The following DPY19L3 variants were observed in gnomAD, a reference collection of about 807,000 sequenced individuals.
The protein encoded by DPY19L3 is dpy-19 like C-mannosyltransferase 3, also known as protein C-mannosyl-transferase DPY19L3.
A neutral mutation model predicts 92.3 loss-of-function variants in DPY19L3; 51 were observed. The observed-to-expected ratio is 0.55, with a 90% CI of 0.44 to 0.70. The LOEUF is 0.70. Ranked by LOEUF, DPY19L3 falls within the 30% of genes least tolerant of loss-of-function variation. The probability of loss-of-function intolerance (pLI) is 0.00; values close to 1 mark genes in which losing one functional copy is unlikely to be tolerated. For synonymous variants in DPY19L3, 309 were observed against 315.2 expected (o/e 0.98, Z 0.21); for missense variants, 706 against 855.9 (o/e 0.82, Z 2.18).
In DPY19L3 at chr19:32,477,666, C is replaced by T; in HGVS notation, c.1830+12C>T. Reference sequence around the variant, plus strand: ...AGCGGACCAGAGCGGTGAGGCTCCCCAGTGCCTCCCCTCGCTTCTTGTGGG... The same window carrying T: ...AGCGGACCAGAGCGGTGAGGCTCCCTAGTGCCTCCCCTCGCTTCTTGTGGG... On this transcript the variant is annotated intron_variant, in intron 17 of 18. Transcript: ENST00000392250. The T allele has an allele frequency of 6.2e-7, 1 of 1,613,732 alleles. No individual in the cohort carries two copies. Among genetic ancestry groups the T allele is most frequent in the Middle Eastern group, 1.7e-4 (1 of 5,858 alleles).
At chr19:32,420,208 C>T (rs946895744) in intron 3 of DPY19L3, among the ~76,000 whole-genome samples, 5 of 152,160 alleles carry the variant, frequency 3.3e-5, no homozygotes, top group East Asian at 1.9e-4. Flanking sequence ...GTGCCTGGCA[C>T]GTCATCAGTG....
chr19:32,419,596 G>A (rs1968496347), intron 3 of DPY19L3, among the ~76,000 whole-genome samples: 1 of 151,810 alleles, frequency 6.6e-6, no homozygotes, highest in South Asian at 2.1e-4. Context: ...AGTGGTGCCA[G>A]CTAATTTTTT....
chr19:32,439,989 A>G, intron 8 of DPY19L3, 79 bp downstream of exon 8: 2 of 1,547,858 alleles, frequency 1.3e-6, no homozygotes, highest in Non-Finnish European at 1.7e-6. Flanking sequence ...GAAAATATGC[A>G]AGTACTTATG....
intron 5 of DPY19L3, 57 bp from the exon 6 acceptor site, chr19:32,437,137 G>C: frequency 6.2e-7 from 1 of 1,600,424 alleles, no homozygotes; most frequent in Non-Finnish European, 8.5e-7. Flanking sequence ...GTTTTAAATG[G>C]CACTGAGGAG....
At chr19:32,432,099 C>T (rs965812052) in intron 3 of DPY19L3, among the ~76,000 whole-genome samples, 4 of 152,084 alleles carry the variant, frequency 2.6e-5, no homozygotes, top group African/African-American at 9.7e-5. Context: ...CATTGTTGCC[C>T]ATTGCTTCTG....
intron 2 of DPY19L3, among the ~76,000 whole-genome samples, chr19:32,408,840 T>A (rs929377486): frequency 6.6e-6 from 1 of 152,046 alleles, no homozygotes; most frequent in African/African-American, 2.4e-5. Context: ...AATCAGAACT[T>A]GGTCAGTTGT....
In DPY19L3 at chr19:32,431,282, G is replaced by A. The variant is rs148817284; in HGVS notation, c.238-1434G>A. The stretch of plus-strand genomic sequence containing the variant: ...AATCCCAGCTACTAGGGAGGCTGAG[G>A]CAGGACAATCGCTTGAACCTGGAAG... On this transcript the variant is annotated intron_variant, in intron 3 of 18. Transcript: ENST00000392250. Among the ~76,000 whole-genome samples the A allele has an allele frequency of 4.2e-4, 64 of 152,064 alleles. 2 individuals carry two copies. Among genetic ancestry groups the A allele is most frequent in the African/African-American group, 1.5e-3 (62 of 41,480 alleles).
At chr19:32,456,738 G>A (rs1450859768) in intron 10 of DPY19L3, among the ~76,000 whole-genome samples, 1 of 152,068 alleles carries the variant, frequency 6.6e-6, no homozygotes, top group East Asian at 1.9e-4. Context: ...TCAGCCAAAA[G>A]CTTTTTTTGA....
chr19:32,476,962 A>G (rs971068838), intron 16 of DPY19L3, among the ~76,000 whole-genome samples: 1 of 151,920 alleles, frequency 6.6e-6, no homozygotes, highest in African/African-American at 2.4e-5. Context: ...TTAAGCAAAA[A>G]CCCTTGGAAC....
chr19:32,465,364 ATTG>A (rs1970169646), intron 15 of DPY19L3, among the ~76,000 whole-genome samples: 1 of 152,220 alleles, frequency 6.6e-6, no homozygotes, highest in Admixed American at 6.5e-5. Context: ...GACAATGATC[ATTG>A]GTCAGGTTGA....
chr19:32,423,509 T>G (rs1968651121), intron 3 of DPY19L3, among the ~76,000 whole-genome samples: 2 of 150,306 alleles, frequency 1.3e-5, no homozygotes, highest in Admixed American at 1.3e-4. Context: ...AGGCAGTCCA[T>G]CCACTTCTGC....
chr19:32,437,633 T>C lies in DPY19L3; in HGVS notation c.596+294T>C, dbSNP rs186356007. Reference sequence around the variant, plus strand: ...GGTGATCAAGATTTCTCCAGCCGCATATCTCATCTCTTAAAGGGTTTTTTT... The same window carrying C: ...GGTGATCAAGATTTCTCCAGCCGCACATCTCATCTCTTAAAGGGTTTTTTT... On this transcript the variant is annotated intron_variant, in intron 6 of 18. Transcript: ENST00000392250. 9.2e-5 allele frequency among the ~76,000 whole-genome samples: 14 copies of C among 152,270 alleles called. No individual in the cohort carries two copies. In the East Asian group the frequency reaches 2.5e-3, roughly 27 times the overall value.
intron 8 of DPY19L3, among the ~76,000 whole-genome samples, chr19:32,442,443 AG>A (rs1230176556): frequency 6.6e-6 from 1 of 152,224 alleles, no homozygotes; most frequent in Non-Finnish European, 1.5e-5. Flanking sequence ...TCCAGACAAG[AG>A]GGAGTAGAGA....
chr19:32,480,299 T>A, intron 17 of DPY19L3, 100 bp from the exon 18 acceptor site: 1 of 1,336,962 alleles, frequency 7.5e-7, no homozygotes, highest in Non-Finnish European at 1.0e-6. Context: ...ACCTTGGGTG[T>A]TAGGTCTTAG....
In DPY19L3 at chr19:32,423,402, A is replaced by ATTTTTTTTTTTTTTTTTTTTTTTTTTTT. The variant is rs71176123; in HGVS notation, c.238-9296_238-9295insTTTTTTTTTTTTTTTTTTTTTTTTTTTT. Among the ~76,000 whole-genome samples the ATTTTTTTTTTTTTTTTTTTTTTTTTTTT allele has an allele frequency of 9.7e-5, 8 of 82,228 alleles. 1 individual carries two copies. The highest frequency in any genetic ancestry group is 1.7e-4 in the Non-Finnish European group (7 of 41,746). The allele number at this position is 82,228 out of a possible 152,430, so 53.9% of individuals were successfully genotyped here. Reference sequence around the variant, plus strand: ...AGGCATGCACCACCATGCCCAGCTAATTTTTTTTTTTTTTTTTTGGTATTT... The same window carrying ATTTTTTTTTTTTTTTTTTTTTTTTTTTT: ...AGGCATGCACCACCATGCCCAGCTAATTTTTTTTTTTTTTTTTTTTTTTTTTTTTTTTTTTTTTTTTTTTTTGGTATTT... On this transcript the variant is annotated intron_variant, in intron 3 of 18. Coordinates refer to ENST00000392250, the MANE Select transcript of DPY19L3 (RefSeq NM_001172774.2).
intron 3 of DPY19L3, among the ~76,000 whole-genome samples, chr19:32,415,592 G>A (rs927526343): frequency 5.9e-5 from 9 of 152,300 alleles, no homozygotes; most frequent in Admixed American, 2.0e-4. Flanking sequence ...CGATGTCATC[G>A]TATTGGCGTT....
At chr19:32,416,822 T>C (rs1599591049) in intron 3 of DPY19L3, among the ~76,000 whole-genome samples, 1 of 152,350 alleles carries the variant, frequency 6.6e-6, no homozygotes, top group South Asian at 2.1e-4. Flanking sequence ...GTAGGCATGA[T>C]TGATTGGATT....
chr19:32,449,357 C>A (rs553578455), intron 8 of DPY19L3, among the ~76,000 whole-genome samples: 2 of 152,268 alleles, frequency 1.3e-5, no homozygotes, highest in South Asian at 2.1e-4. Context: ...CCAAATTGAT[C>A]TACAGATTCA....
At chr19:32,446,068 T>A (rs539181352) in intron 8 of DPY19L3, among the ~76,000 whole-genome samples, 1 of 152,182 alleles carries the variant, frequency 6.6e-6, no homozygotes, top group Non-Finnish European at 1.5e-5. Context: ...GTTCTCTATA[T>A]GTAAAAGAAA....
Sources: allele counts gnomAD v4.1 joint callset (sites outside exome capture counted in the v4.1 genomes callset), GRCh38; gene constraint gnomAD v4.1.1; transcripts MANE v1.5; gene names NCBI Gene and HGNC (gene_info 2026-07-23, HGNC 2026-07-21).